RAP1GAP2: variants seen among roughly 807,000 people sequenced by gnomAD.
The protein encoded by RAP1GAP2 is rap1 GTPase-activating protein 2.
Under a neutral mutation model 95.0 loss-of-function variants are expected in RAP1GAP2, and 27 were observed. That is an observed-to-expected ratio of 0.28 (90% confidence interval 0.21 to 0.39). The LOEUF is 0.39. Ranked by LOEUF, RAP1GAP2 falls within the 10% of genes least tolerant of loss-of-function variation. The pLI is 1.00. For synonymous variants in RAP1GAP2, 373 were observed against 380.9 expected (o/e 0.98, Z 0.24); for missense variants, 771 against 970.0 (o/e 0.79, Z 2.72).
chr17:2,820,862 C>T (rs1225682722), intron 2 of RAP1GAP2, among the ~76,000 whole-genome samples: 2 of 146,918 alleles, frequency 1.4e-5, no homozygotes, highest in Middle Eastern at 3.2e-3. Context: ...GCTGGGACTA[C>T]AGGTGCCCGC....
Position 2,857,358 on chromosome 17 carries a change from C to T in RAP1GAP2, c.81-47926C>T, listed in dbSNP as rs1423523393. 6.6e-6 allele frequency among the ~76,000 whole-genome samples: 1 copy of T among 152,164 alleles called. No individual in the cohort carries two copies. The highest frequency in any genetic ancestry group is 1.5e-5 in the Non-Finnish European group (1 of 68,036). On this transcript the variant is annotated intron_variant, in intron 2 of 24. Transcript: ENST00000254695. The surrounding 1 kb of genome is among the most constrained non-coding windows in gnomAD (Gnocchi z 4.0). ...TTAGGGGACAGGGAGGTGTGCCAGCCAGGGTAGTCATGAGACAGATGTCCC... is the reference window on the plus strand; with the variant it reads ...TTAGGGGACAGGGAGGTGTGCCAGCTAGGGTAGTCATGAGACAGATGTCCC...
At position 3,022,940 on chromosome 17, in the gene RAP1GAP2, T is replaced by G. The variant is rs2047003823; in HGVS notation, c.1751+2345T>G. 1.3e-5 allele frequency among the ~76,000 whole-genome samples: 2 copies of G among 152,270 alleles called. 1 individual carries two copies. The highest frequency in any genetic ancestry group is 4.1e-4 in the South Asian group (2 of 4,838). On this transcript the variant is annotated intron_variant, in intron 19 of 24. Coordinates refer to ENST00000254695, the MANE Select transcript of RAP1GAP2 (RefSeq NM_015085.5). The stretch of plus-strand genomic sequence containing the variant: ...AGAGAAGGGTCTGGTTTTATTCTTC[T>G]GTATATGGTTATCCAGTTTTACCAG...
rs547590424 is a variant in RAP1GAP2, at chr17:2,983,232, T to C, written c.730-1751T>C. ...GTTGAATCCCTCCTTTTTTTTTTTC[T>C]TTTTTAAATGTCACATTTAATGTTT... On this transcript the variant is annotated intron_variant, in intron 10 of 24. Transcript: ENST00000254695. Among the ~76,000 whole-genome samples, 37 of 151,702 alleles carry C rather than the reference T, an allele frequency of 2.4e-4. 1 individual carries two copies. The South Asian group carries it at 6.4e-3, about 26-fold the overall frequency.
At chr17:2,836,271 G>GA (rs979107661) in intron 2 of RAP1GAP2, among the ~76,000 whole-genome samples, 178 of 139,876 alleles carry the variant, frequency 1.3e-3, no homozygotes, top group East Asian at 4.7e-3. Flanking sequence ...ACTGGCTTAA[G>GA]AAAAAAAAAA....
At chr17:2,908,721 A>T (rs1567766193) in intron 3 of RAP1GAP2, among the ~76,000 whole-genome samples, 1 of 152,106 alleles carries the variant, frequency 6.6e-6, no homozygotes, top group Non-Finnish European at 1.5e-5. Flanking sequence ...TTTAAATTAA[A>T]AAAAAATTTT....
chr17:2,811,749 T>C (rs1196526082), intron 2 of RAP1GAP2, among the ~76,000 whole-genome samples: 2 of 152,002 alleles, frequency 1.3e-5, no homozygotes, highest in Non-Finnish European at 1.5e-5. Flanking sequence ...GGCTAATTTT[T>C]TGTATTTTTA....
At chr17:2,905,225 G>T (rs2151731209) in intron 2 of RAP1GAP2, 59 bp from the exon 3 acceptor site, 1 of 1,498,818 alleles carries the variant, frequency 6.7e-7, no homozygotes, top group South Asian at 1.2e-5. Context: ...AGTCACTCTT[G>T]GAGGAGAGAA....
intron 2 of RAP1GAP2, among the ~76,000 whole-genome samples, chr17:2,856,870 C>G (rs1387422189): frequency 6.6e-6 from 1 of 152,222 alleles, no homozygotes; most frequent in Non-Finnish European, 1.5e-5. Context: ...TTAACCTACC[C>G]AAGGAGAAAG....
At chr17:2,794,058 A>C (rs1026586009), upstream of RAP1GAP2, among the ~76,000 whole-genome samples, 1 of 141,472 alleles carries the variant, frequency 7.1e-6, no homozygotes, top group African/African-American at 2.7e-5. Context: ...GTGCCACTGC[A>C]CTCCAGCCTG....
intron 17 of RAP1GAP2, among the ~76,000 whole-genome samples, chr17:3,010,210 T>C (rs1005058858): frequency 4.6e-5 from 7 of 151,436 alleles, no homozygotes; most frequent in African/African-American, 1.5e-4. Context: ...CGTGGTGACG[T>C]GAGCCTGTAA....
At chr17:2,989,330 G>A (rs2045673493) in intron 11 of RAP1GAP2, among the ~76,000 whole-genome samples, 1 of 151,994 alleles carries the variant, frequency 6.6e-6, no homozygotes, top group South Asian at 2.1e-4. Context: ...TAGGGGAAAT[G>A]CCTGTTCATG....
intron 3 of RAP1GAP2, among the ~76,000 whole-genome samples, chr17:2,932,058 G>A (rs28715644): frequency 0.55 from 82,980 of 152,152 alleles, 22,793 homozygotes; most frequent in Non-Finnish European, 0.56. Flanking sequence ...CTAGGCCAGG[G>A]ACGGCTCCAG....
At chr17:3,023,465 C>G (rs1045440433) in intron 19 of RAP1GAP2, among the ~76,000 whole-genome samples, 3 of 152,092 alleles carry the variant, frequency 2.0e-5, no homozygotes, top group Non-Finnish European at 2.9e-5. Context: ...CTGCCTATAG[C>G]CCTGGGTGGT....
intron 2 of RAP1GAP2, among the ~76,000 whole-genome samples, chr17:2,822,527 A>G (rs1325862364): frequency 1.3e-5 from 2 of 151,900 alleles, no homozygotes; most frequent in Non-Finnish European, 2.9e-5. Context: ...CTTGGGAGTC[A>G]GGTGGGAGGA....
At chr17:2,949,262 G>A (rs377239520) in intron 3 of RAP1GAP2, among the ~76,000 whole-genome samples, 2 of 152,230 alleles carry the variant, frequency 1.3e-5, no homozygotes, top group South Asian at 4.1e-4. Flanking sequence ...CAGCTGCATG[G>A]ACGCTGCTAT....
intron 4 of RAP1GAP2, 146 bp downstream of exon 4, chr17:2,957,940 A>G (rs2044181597): frequency 1.3e-5 from 11 of 860,992 alleles, no homozygotes; most frequent in Non-Finnish European, 1.9e-5. Context: ...GGCCCAGACA[A>G]CCTGAGGCCA....
At chr17:2,793,023 G>A (rs1163628032), upstream of RAP1GAP2, among the ~76,000 whole-genome samples, 2 of 152,156 alleles carry the variant, frequency 1.3e-5, no homozygotes, top group Admixed American at 6.5e-5. Flanking sequence ...GTGGTGAGGC[G>A]TGCCCAAGTG....
chr17:2,993,376 A>G (rs1281543901), intron 12 of RAP1GAP2, among the ~76,000 whole-genome samples: 1 of 151,132 alleles, frequency 6.6e-6, no homozygotes, highest in Admixed American at 6.6e-5. Flanking sequence ...GATTGAGACC[A>G]TCTTGGCCAA....
chr17:2,899,521 A>G (rs1597555336), intron 2 of RAP1GAP2, among the ~76,000 whole-genome samples: 2 of 131,296 alleles, frequency 1.5e-5, no homozygotes, highest in African/African-American at 5.9e-5. Context: ...ACTTATTTTT[A>G]TTTTTTTGAG....
Sources: gnomAD v4.1 joint callset for allele counts (sites outside exome capture counted in the v4.1 genomes callset) on GRCh38, gnomAD v4.1.1 for gene constraint, Gnocchi (gnomAD v3.1) non-coding constraint, MANE v1.5 for transcripts, NCBI Gene and HGNC (gene_info 2026-07-23, HGNC 2026-07-21) for gene names.